The following GRIK2 variants were observed in gnomAD, a reference collection of about 807,000 sequenced individuals.
The protein encoded by GRIK2 is glutamate ionotropic receptor kainate type subunit 2.
A neutral mutation model predicts 100.3 loss-of-function variants in GRIK2; 32 were observed. That is an observed-to-expected ratio of 0.32 (90% CI 0.24 to 0.43). The LOEUF (loss-of-function observed/expected upper bound fraction) is 0.43, where lower values mean the gene tolerates loss of function less well. Among genes scored for constraint, GRIK2 ranks in the 20% least tolerant of loss-of-function variants. The pLI is 1.00. For missense variants in GRIK2, 843 were observed against 1,114.9 expected, an observed-to-expected ratio of 0.76 and a Z score of 3.47; for synonymous variants, 417 against 389.4, an observed-to-expected ratio of 1.07 and a Z score of -0.83.
intron 7 of GRIK2, among the ~76,000 whole-genome samples, chr6:101,754,807 A>T (rs1270897086): frequency 4.6e-5 from 7 of 152,190 alleles, no homozygotes; most frequent in African/African-American, 1.7e-4. Context: ...AATGGCTCAG[A>T]GGTAAGAAAA....
intron 14 of GRIK2, among the ~76,000 whole-genome samples, chr6:102,006,139 C>G (rs1795208667): frequency 6.6e-6 from 1 of 151,738 alleles, no homozygotes; most frequent in African/African-American, 2.4e-5. Context: ...CAATTTAGCC[C>G]ATAGCACCAA....
intron 4 of GRIK2, among the ~76,000 whole-genome samples, chr6:101,648,019 T>C (rs1251240629): frequency 1.3e-5 from 2 of 152,010 alleles, no homozygotes; most frequent in African/African-American, 4.8e-5. Flanking sequence ...TCATCCCCAG[T>C]TGTGACAATT....
intron 7 of GRIK2, among the ~76,000 whole-genome samples, chr6:101,763,071 C>T (rs906625932): frequency 6.6e-6 from 1 of 152,038 alleles, no homozygotes; most frequent in Admixed American, 6.6e-5. Context: ...TCCTTGGAGA[C>T]GCTCATGTAC....
chr6:101,761,833 T>C (rs1486478801), intron 7 of GRIK2, among the ~76,000 whole-genome samples: 3 of 141,342 alleles, frequency 2.1e-5, no homozygotes, highest in African/African-American at 7.9e-5. Flanking sequence ...TTTCTTCCTT[T>C]GTTTCCTTTC....
intron 2 of GRIK2, among the ~76,000 whole-genome samples, chr6:101,478,544 C>T (rs1772371019): frequency 7.3e-6 from 1 of 137,540 alleles, no homozygotes; most frequent in African/African-American, 2.7e-5. Context: ...GATGGAGTCT[C>T]ACTCGGTTGC....
intron 10 of GRIK2, among the ~76,000 whole-genome samples, chr6:101,827,487 CAAAAA>C (rs113087251): frequency 6.9e-6 from 1 of 145,000 alleles, no homozygotes; most frequent in African/African-American, 2.5e-5. Flanking sequence ...CAAAACAAAA[CAAAAA>C]AAAACCAATA....
At chr6:101,646,314 TTGA>T (rs1781525650) in intron 4 of GRIK2, among the ~76,000 whole-genome samples, 1 of 151,944 alleles carries the variant, frequency 6.6e-6, no homozygotes, top group South Asian at 2.1e-4. Context: ...TTGTATCTTC[TTGA>T]TGATCTAATT....
chr6:101,573,757 T>A (rs183575783), intron 2 of GRIK2, among the ~76,000 whole-genome samples: 9 of 152,248 alleles, frequency 5.9e-5, no homozygotes, highest in Admixed American at 5.2e-4. Flanking sequence ...GGGGCTCATG[T>A]AACCTGTAAA....
At chr6:101,765,008 G>C (rs2128394156) in intron 7 of GRIK2, among the ~76,000 whole-genome samples, 1 of 152,184 alleles carries the variant, frequency 6.6e-6, no homozygotes, top group African/African-American at 2.4e-5. Flanking sequence ...CTTCATCTAT[G>C]AGGAACATTT....
At position 101,906,523 on chromosome 6, in the gene GRIK2, GATTTAAA is replaced by G. The variant is rs575128277; in HGVS notation, c.1748+16666_1748+16672del. On this transcript the variant is annotated intron_variant, in intron 12 of 16. Coordinates refer to ENST00000369134, the MANE Select transcript of GRIK2 (RefSeq NM_021956.5). ...AATGCATGTTCTGTCTAAGTGGAGG[GATTTAAA>G]ATTTATTATTGGGAAAGGACAAATG... Among the ~76,000 whole-genome samples the G allele has an allele frequency of 4.2e-4, 64 of 151,624 alleles. 1 individual carries two copies. The South Asian group carries it at 0.013, about 30-fold the overall frequency.
At chr6:101,815,472 T>C (rs1256487700) in intron 9 of GRIK2, among the ~76,000 whole-genome samples, 3 of 152,124 alleles carry the variant, frequency 2.0e-5, no homozygotes, top group Non-Finnish European at 4.4e-5. Flanking sequence ...CCCTATAATT[T>C]ATTACACAAA....
intron 14 of GRIK2, among the ~76,000 whole-genome samples, chr6:101,952,762 C>T (rs1791679260): frequency 6.6e-6 from 1 of 152,088 alleles, no homozygotes; most frequent in Admixed American, 6.6e-5. Flanking sequence ...GCCACCACAC[C>T]CAGCTAATTT....
At chr6:101,543,555 T>C (rs1458422969) in intron 2 of GRIK2, among the ~76,000 whole-genome samples, 3 of 152,170 alleles carry the variant, frequency 2.0e-5, no homozygotes, top group Admixed American at 6.6e-5. Context: ...GATATTTATA[T>C]GTGTTAACCC....
In GRIK2 at chr6:101,759,522, T is replaced by C. The variant is rs571686542; in HGVS notation, c.952-40126T>C. Among the ~76,000 whole-genome samples, 6 of 152,256 alleles carry C rather than the reference T, an allele frequency of 3.9e-5. No homozygotes were observed. The East Asian group carries it at 1.2e-3, about 30-fold the overall frequency. On this transcript the variant is annotated intron_variant, in intron 7 of 16. Coordinates refer to ENST00000369134, the MANE Select transcript of GRIK2 (RefSeq NM_021956.5). ...AGTGGAGAAAGTAGGGCAGATATTA[T>C]TGCACCTACTTTATACCTTGGACAA...
chr6:101,786,376 A>C (rs187893185), intron 7 of GRIK2, among the ~76,000 whole-genome samples: 64 of 151,952 alleles, frequency 4.2e-4, no homozygotes, highest in African/African-American at 1.5e-3. Flanking sequence ...TGTCTGGTTC[A>C]AGTTTTTAGA....
chr6:101,674,057 C>T lies in GRIK2; in HGVS notation c.542-2566C>T, dbSNP rs555961470. On this transcript the variant is annotated intron_variant, in intron 4 of 16. Transcript: ENST00000369134. Reference sequence around the variant, plus strand: ...TTGTATTTATGGTTTTCTGACTCACCTTTATGAAGTTGAGAATCTTGCTTT... The same window carrying T: ...TTGTATTTATGGTTTTCTGACTCACTTTTATGAAGTTGAGAATCTTGCTTT... Among the ~76,000 whole-genome samples, 4 of 152,196 alleles carry T rather than the reference C, an allele frequency of 2.6e-5. No homozygotes were observed. In the East Asian group the frequency reaches 7.7e-4, roughly 29 times the overall value.
intron 9 of GRIK2, among the ~76,000 whole-genome samples, chr6:101,815,006 C>T (rs1013405751): frequency 3.9e-5 from 6 of 152,162 alleles, no homozygotes; most frequent in African/African-American, 1.4e-4. Flanking sequence ...GAAGTAGATA[C>T]TATTATTTCC....
At position 101,932,603 on chromosome 6, in the gene GRIK2, T is replaced by A. The variant is rs902527645; in HGVS notation, c.2085+3971T>A. On this transcript the variant is annotated intron_variant, in intron 14 of 16. Coordinates refer to ENST00000369134, the MANE Select transcript of GRIK2 (RefSeq NM_021956.5). ...GAAGTTTTTTTTTTTTAAACTTACA[T>A]TATTGTTAAATTACTAATCCAAGAT... Among the ~76,000 whole-genome samples, 10 of 151,772 alleles carry A rather than the reference T, an allele frequency of 6.6e-5. No homozygotes were observed. The South Asian group carries it at 1.9e-3, about 28-fold the overall frequency.
chr6:101,604,017 C>T (rs889590204), intron 2 of GRIK2, among the ~76,000 whole-genome samples: 9 of 151,360 alleles, frequency 5.9e-5, no homozygotes, highest in African/African-American at 2.2e-4. Context: ...ATAATAATTA[C>T]TTTGATAATA....
Sources: allele counts gnomAD v4.1 joint callset (sites outside exome capture counted in the v4.1 genomes callset), GRCh38; gene constraint gnomAD v4.1.1; transcripts MANE v1.5; gene names NCBI Gene and HGNC (gene_info 2026-07-23, HGNC 2026-07-21).